The following TYROBP variants were observed in gnomAD, a reference collection of about 807,000 sequenced individuals.
TYROBP encodes the protein transmembrane immune signaling adaptor TYROBP.
Under a neutral mutation model 17.1 loss-of-function variants are expected in TYROBP, and 14 were observed. That is an observed-to-expected ratio of 0.82 (90% CI 0.54 to 1.28). TYROBP has a LOEUF of 1.28. Among genes scored for constraint, TYROBP ranks in the 50% most tolerant of loss-of-function variants. The pLI, the probability that TYROBP is intolerant of heterozygous loss-of-function variation, is 0.00. For missense variants in TYROBP, 161 were observed against 151.4 expected (o/e 1.06, Z -0.33); for synonymous variants, 73 against 67.4 (o/e 1.08, Z -0.41).
At chr19:35,906,580 G>A (rs926772958) in intron 4 of TYROBP, among the ~76,000 whole-genome samples, 6 of 152,080 alleles carry the variant, frequency 3.9e-5, no homozygotes, top group Admixed American at 6.6e-5. Context: ...AGGGCTGAAT[G>A]ACATTCTCTG....
Position 35,904,527 on chromosome 19 carries a change from G to A in TYROBP, c.*42C>T. On this transcript the variant is annotated 3_prime_UTR_variant, in exon 5 of 5. Transcript: ENST00000262629. ...AGGTGCAGGGTGGGCTTCAGGAATG[G>A]CTGGATCCAGGTATCATGTTGCTGA... The A allele has an allele frequency of 1.2e-6, 2 of 1,601,662 alleles. No homozygotes were observed. Among genetic ancestry groups the A allele is most frequent in the Non-Finnish European group, 1.7e-6 (2 of 1,170,940 alleles).
intron 4 of TYROBP, among the ~76,000 whole-genome samples, chr19:35,904,882 T>A (rs1350787838): frequency 6.6e-6 from 1 of 151,492 alleles, no homozygotes; most frequent in Non-Finnish European, 1.5e-5. Flanking sequence ...TCCCTTCAAG[T>A]CTCAGCTCAC....
At chr19:35,904,759 T>G in intron 4 of TYROBP, 125 bp from the exon 5 acceptor site, 1 of 815,520 alleles carries the variant, frequency 1.2e-6, no homozygotes, top group Admixed American at 2.2e-5. Flanking sequence ...CGGATTTTAT[T>G]CAAGTACATT....
chr19:35,906,206 T>C (rs986188173), intron 4 of TYROBP, among the ~76,000 whole-genome samples: 1 of 150,626 alleles, frequency 6.6e-6, no homozygotes, highest in Admixed American at 6.6e-5. Flanking sequence ...TTCTCTTGCC[T>C]CAGCCTCCTG....
chr19:35,908,100 C>A, intron 1 of TYROBP, 68 bp downstream of exon 1: 2 of 1,410,258 alleles, frequency 1.4e-6, no homozygotes, highest in South Asian at 1.2e-5. Context: ...TCGTTCCACC[C>A]CACTCCCTGC....
chr19:35,907,873 G>A, intron 1 of TYROBP, 111 bp from the exon 2 acceptor site: 1 of 1,168,208 alleles, frequency 8.6e-7, no homozygotes, highest in South Asian at 1.3e-5. Flanking sequence ...TTAGCAAGGG[G>A]GAGAGCGTGT....
At chr19:35,907,615 C>T (rs1361634779) in intron 2 of TYROBP, 35 bp from the exon 3 acceptor site, 1 of 1,613,860 alleles carries the variant, frequency 6.2e-7, no homozygotes, top group Non-Finnish European at 8.5e-7. Context: ...TCAGTGTGTG[C>T]TGGGAACTGT....
At chr19:35,907,834 A>G in intron 1 of TYROBP, 72 bp from the exon 2 acceptor site, 1 of 1,534,050 alleles carries the variant, frequency 6.5e-7, no homozygotes, top group Non-Finnish European at 9.0e-7. Flanking sequence ...TTTAGAAGCC[A>G]GGGAAGGTGG....
intron 1 of TYROBP, 99 bp from the exon 2 acceptor site, chr19:35,907,861 G>A (rs1975769763): frequency 1.6e-6 from 2 of 1,274,562 alleles, no homozygotes; most frequent in South Asian, 1.2e-5. Flanking sequence ...ACAGCCAAGA[G>A]GTTAGCAAGG....
In TYROBP at chr19:35,908,188, G is replaced by A; in HGVS notation, c.41C>T (p.Pro14Leu). Residue 14 changes from proline to leucine, a missense_variant, in exon 1 of 5, where the codon CCT (proline) becomes CTT (leucine). Physicochemically the swap from Pro to Leu is moderately conservative, Grantham distance 98. Transcript: ENST00000262629. ...LEPCSRLLLL[P>L]LLLAVSGLRP... is the part of the protein sequence containing the mutation. ...CTCACCACTTACAGCCAGCAGGAGA[G>A]GCAGGAGCAGGAGCCTGCTGCAGGG... is the stretch of plus-strand genomic sequence containing the variant. The A allele has an allele frequency of 6.2e-7, 1 of 1,613,976 alleles. No homozygotes were observed. The highest frequency in any genetic ancestry group is 1.1e-5 in the South Asian group (1 of 91,076).
At position 35,904,507 on chromosome 19, in the gene TYROBP, C is replaced by T. The variant is rs935195538; in HGVS notation, c.*62G>A. 1.3e-6 allele frequency: 2 copies of T among 1,548,816 alleles called. No individual in the cohort carries two copies. Among genetic ancestry groups the T allele is most frequent in the African/African-American group, 1.4e-5 (1 of 73,730 alleles). ...TCGCGGTAGGAGTTGGAATGAGGTGCAGGGTGGGCTTCAGGAATGGCTGGA... is the reference window on the plus strand; with the variant it reads ...TCGCGGTAGGAGTTGGAATGAGGTGTAGGGTGGGCTTCAGGAATGGCTGGA... On this transcript the variant is annotated 3_prime_UTR_variant, in exon 5 of 5. Transcript: ENST00000262629.
At chr19:35,905,685 T>G (rs1182136500) in intron 4 of TYROBP, among the ~76,000 whole-genome samples, 1 of 148,484 alleles carries the variant, frequency 6.7e-6, no homozygotes, top group East Asian at 2.0e-4. Flanking sequence ...CCGGGCGCGG[T>G]GGCTCACACC....
intron 1 of TYROBP, 59 bp downstream of exon 1, chr19:35,908,109 G>T: frequency 6.7e-7 from 1 of 1,484,714 alleles, no homozygotes; most frequent in Non-Finnish European, 9.4e-7. Context: ...CCCACTCCCT[G>T]CCCTGCCCCA....
At position 35,907,537 on chromosome 19, in the gene TYROBP, G is replaced by A. The variant is rs760363848; in HGVS notation, c.138C>T (p.Ile46=). Residue 46 remains isoleucine (I), a synonymous_variant, in exon 3 of 5, where the codon ATC becomes ATT. Coordinates refer to ENST00000262629, the MANE Select transcript of TYROBP (RefSeq NM_003332.4). ...CTGTCAGCACCAGGTCTCCCATCAC[G>A]ATCCCTGCCAGCACGCCCGGGCTCA... The part of the protein sequence containing the change: ...STVSPGVLAG[I]VMGDLVLTVL... The A allele has an allele frequency of 1.2e-5, 20 of 1,613,914 alleles. No individual in the cohort carries two copies. Among genetic ancestry groups the A allele is most frequent in the East Asian group, 2.2e-5 (1 of 44,892 alleles).
chr19:35,905,038 G>A (rs980883330), intron 4 of TYROBP, among the ~76,000 whole-genome samples: 7 of 151,072 alleles, frequency 4.6e-5, no homozygotes, highest in African/African-American at 1.2e-4. Context: ...TTTGCTTTAA[G>A]TTTGTCTTAA....
At chr19:35,907,652 T>C (rs1599641408) in intron 2 of TYROBP, 72 bp from the exon 3 acceptor site, 2 of 1,609,156 alleles carry the variant, frequency 1.2e-6, no homozygotes, top group Non-Finnish European at 1.7e-6. Context: ...GGCAGGGAGG[T>C]TTGGAAAGGG....
Position 35,908,195 on chromosome 19 carries a change from G to A in TYROBP, c.34C>T (p.Leu12Phe). Residue 12 changes from leucine (L) to phenylalanine (F), a missense_variant, in exon 1 of 5, where the codon CTC (leucine) becomes TTC (phenylalanine). Coordinates refer to ENST00000262629, the MANE Select transcript of TYROBP (RefSeq NM_003332.4). ...CTTACAGCCAGCAGGAGAGGCAGGAGCAGGAGCCTGCTGCAGGGTTCAAGT... is the reference window on the plus strand; with the variant it reads ...CTTACAGCCAGCAGGAGAGGCAGGAACAGGAGCCTGCTGCAGGGTTCAAGT... ...GGLEPCSRLL[L>F]LPLLLAVSGL... The A allele has an allele frequency of 6.2e-7, 1 of 1,613,974 alleles. No individual in the cohort carries two copies. Among genetic ancestry groups the A allele is most frequent in the Non-Finnish European group, 8.5e-7 (1 of 1,179,982 alleles).
chr19:35,907,427 C>A lies in TYROBP; in HGVS notation c.229+19G>T, dbSNP rs745610215. The A allele has an allele frequency of 1.9e-6, 3 of 1,612,078 alleles. No homozygotes were observed. In the East Asian group the frequency reaches 6.7e-5, roughly 36 times the overall value. On this transcript the variant is annotated intron_variant, in intron 3 of 4. Transcript: ENST00000262629. ...CATCTAGGCAAGTCCTCAGGATGTC[C>A]CCTGCTAGCCCCACTCACCCTCCGC...
rs778446613 is a variant in TYROBP, at chr19:35,904,449, G to C, written c.*120C>G. ...TTAGGAGAGTATTGGGGAGCGGTCTGGTCTCTCAGGGATGGCACTCTGTGG... is the reference window on the plus strand; with the variant it reads ...TTAGGAGAGTATTGGGGAGCGGTCTCGTCTCTCAGGGATGGCACTCTGTGG... On this transcript the variant is annotated 3_prime_UTR_variant, in exon 5 of 5. Coordinates refer to ENST00000262629, the MANE Select transcript of TYROBP (RefSeq NM_003332.4). The C allele has an allele frequency of 1.9e-6, 2 of 1,032,824 alleles. No homozygotes were observed. The highest frequency in any genetic ancestry group is 2.6e-5 in the South Asian group (2 of 75,524). 64.0% of individuals were successfully genotyped at this position (1,032,824 alleles called of 1,614,324 possible). A position where few individuals can be genotyped will look rare whatever the true frequency, so the allele number is the denominator to read the frequency against.
Sources: gnomAD v4.1 joint callset for allele counts (sites outside exome capture counted in the v4.1 genomes callset) on GRCh38, gnomAD v4.1.1 for gene constraint, MANE v1.5 for transcripts, NCBI Gene and HGNC (gene_info 2026-07-23, HGNC 2026-07-21) for gene names.